Variants in SLC9C1 observed in about 807,000 individuals in gnomAD.
The protein encoded by SLC9C1 is solute carrier family 9 member C1, also known as sodium/hydrogen exchanger 10.
Under a neutral mutation model 140.9 loss-of-function variants are expected in SLC9C1, and 97 were observed. The observed-to-expected ratio is 0.69, with a 90% CI of 0.58 to 0.82. SLC9C1 has a LOEUF of 0.82. Among genes scored for constraint, SLC9C1 ranks in the 40% least tolerant of loss-of-function variants. The pLI is 0.00. For missense variants in SLC9C1, 1,340 were observed against 1,389.3 expected (o/e 0.96, Z 0.56); for synonymous variants, 440 against 442.6 (o/e 0.99, Z 0.07).
intron 1 of SLC9C1, among the ~76,000 whole-genome samples, chr3:112,292,465 G>C (rs1031411418): frequency 6.6e-6 from 1 of 152,132 alleles, no homozygotes; most frequent in African/African-American, 2.4e-5. Context: ...TCTTAAAATA[G>C]TTTTAAAAAT....
At chr3:112,192,391 A>G (rs73219903) in intron 20 of SLC9C1, among the ~76,000 whole-genome samples, 2,182 of 152,310 alleles carry the variant, frequency 0.014, 15 homozygotes, top group Non-Finnish European at 0.023. Flanking sequence ...AATTAGCACA[A>G]GTCATCAAGA....
chr3:112,239,815 A>T (rs1438444251), intron 12 of SLC9C1, 25 bp downstream of exon 12: 3 of 1,580,950 alleles, frequency 1.9e-6, no homozygotes, highest in Non-Finnish European at 1.7e-6. Flanking sequence ...GCATTAAAGC[A>T]ATAAAAAAGA....
At chr3:112,180,970 G>T (rs1228063224) in intron 21 of SLC9C1, among the ~76,000 whole-genome samples, 1 of 152,122 alleles carries the variant, frequency 6.6e-6, no homozygotes, top group Non-Finnish European at 1.5e-5. Flanking sequence ...TGGCCAGGCT[G>T]GTCTCAGACT....
At chr3:112,221,571 C>T (rs2078541478) in intron 13 of SLC9C1, among the ~76,000 whole-genome samples, 1 of 151,942 alleles carries the variant, frequency 6.6e-6, no homozygotes, top group Non-Finnish European at 1.5e-5. Context: ...AGAAAACCTA[C>T]AGTAAAAAAA....
At chr3:112,162,208 A>G (rs1444551276) in intron 26 of SLC9C1, among the ~76,000 whole-genome samples, 1 of 152,198 alleles carries the variant, frequency 6.6e-6, no homozygotes, top group African/African-American at 2.4e-5. Context: ...CAATCATGTC[A>G]TCTGCAAACA....
Position 112,231,607 on chromosome 3 carries a change from A to C in SLC9C1, c.1447-121T>G, listed in dbSNP as rs552454917. 5.4e-6 allele frequency: 5 copies of C among 922,960 alleles called. No homozygotes were observed. In the African/African-American group the frequency reaches 6.7e-5, roughly 12 times the overall value. 57.2% of individuals were successfully genotyped at this position (922,960 alleles called of 1,614,324 possible). On this transcript the variant is annotated intron_variant, in intron 12 of 28. Transcript: ENST00000305815. ...AAAATGGTAGCAAATCTGGTAGATA[A>C]GAAAAATGTTCAGATCCTCATCATT...
At chr3:112,173,417 C>T (rs1170584204) in intron 23 of SLC9C1, among the ~76,000 whole-genome samples, 2 of 151,658 alleles carry the variant, frequency 1.3e-5, no homozygotes, top group East Asian at 2.0e-4. Flanking sequence ...GTTTTTTGAT[C>T]CTTACCTTCC....
At chr3:112,249,403 G>A (rs10934146) in intron 10 of SLC9C1, among the ~76,000 whole-genome samples, 89,630 of 151,262 alleles carry the variant, frequency 0.59, 27,046 homozygotes, top group East Asian at 0.79. Context: ...ATATTGGCCC[G>A]AAGTTTTATT....
At chr3:112,200,898 G>T in intron 18 of SLC9C1, 136 bp from the exon 19 acceptor site, 4 of 744,300 alleles carry the variant, frequency 5.4e-6, no homozygotes, top group Non-Finnish European at 6.5e-6. Flanking sequence ...TCAGGGGTTC[G>T]AATTGAATTT....
At chr3:112,146,473 CT>C (rs1271049535) in intron 28 of SLC9C1, among the ~76,000 whole-genome samples, 2 of 152,142 alleles carry the variant, frequency 1.3e-5, no homozygotes, top group Non-Finnish European at 2.9e-5. Flanking sequence ...ATGCTTAACA[CT>C]GGTTTTGCTG....
At chr3:112,220,034 C>T (rs2078497784) in intron 14 of SLC9C1, among the ~76,000 whole-genome samples, 1 of 152,116 alleles carries the variant, frequency 6.6e-6, no homozygotes, top group Non-Finnish European at 1.5e-5. Context: ...TCTCAACTCC[C>T]TCAACTTTAC....
chr3:112,252,879 T>A (rs866429047), intron 10 of SLC9C1, among the ~76,000 whole-genome samples: 5 of 151,564 alleles, frequency 3.3e-5, no homozygotes, highest in African/African-American at 1.2e-4. Flanking sequence ...TCCAGCCACC[T>A]CCTGCTGGTG....
chr3:112,216,768 G>A (rs916243463), intron 15 of SLC9C1, among the ~76,000 whole-genome samples: 6 of 152,156 alleles, frequency 3.9e-5, no homozygotes, highest in African/African-American at 9.7e-5. Context: ...GGCTGTAACC[G>A]AGTTCAACCA....
rs988483494 is a variant in SLC9C1 at position 112,291,656 on chromosome 3, T to C, written c.-88+2437A>G. 5.9e-5 allele frequency among the ~76,000 whole-genome samples: 9 copies of C among 152,348 alleles called. 1 individual carries two copies. The South Asian group carries it at 1.9e-3, about 32-fold the overall frequency. On this transcript the variant is annotated intron_variant, in intron 1 of 28. Transcript: ENST00000305815. ...GGTTGTGGAGAAAAAGGAATGCTTA[T>C]ACACTGTTGGTGGGAATGTAAATTA...
At chr3:112,150,475 T>A (rs2074925542) in intron 28 of SLC9C1, among the ~76,000 whole-genome samples, 1 of 152,060 alleles carries the variant, frequency 6.6e-6, no homozygotes, top group African/African-American at 2.4e-5. Context: ...ATGGGAGTGC[T>A]GTTTGCCACT....
At chr3:112,210,037 A>G (rs2078159392) in intron 15 of SLC9C1, among the ~76,000 whole-genome samples, 1 of 152,222 alleles carries the variant, frequency 6.6e-6, no homozygotes, top group South Asian at 2.1e-4. Context: ...AACAATCTTG[A>G]AAAAGAAAGT....
intron 1 of SLC9C1, among the ~76,000 whole-genome samples, chr3:112,288,239 G>T (rs1451317075): frequency 6.6e-6 from 1 of 151,578 alleles, no homozygotes; most frequent in East Asian, 1.9e-4. Context: ...CATGTTTATT[G>T]TGAACACTTC....
chr3:112,235,810 G>C (rs1253502296), intron 12 of SLC9C1, among the ~76,000 whole-genome samples: 2 of 152,116 alleles, frequency 1.3e-5, no homozygotes, highest in Non-Finnish European at 2.9e-5. Flanking sequence ...TGCATCCCAG[G>C]GATGAAGCCC....
chr3:112,229,664 A>T (rs1048130961), intron 13 of SLC9C1, among the ~76,000 whole-genome samples: 1 of 151,940 alleles, frequency 6.6e-6, no homozygotes, highest in South Asian at 2.1e-4. Flanking sequence ...ATTAGTGGCA[A>T]TAGGGGTGGG....
Sources: allele counts gnomAD v4.1 joint callset (sites outside exome capture counted in the v4.1 genomes callset), GRCh38; gene constraint gnomAD v4.1.1; transcripts MANE v1.5; gene names NCBI Gene and HGNC (gene_info 2026-07-23, HGNC 2026-07-21).